The following GLI3 variants were observed in gnomAD, a reference collection of about 807,000 sequenced individuals.
GLI3 encodes the protein transcription activator GLI3.
A neutral mutation model predicts 100.8 loss-of-function variants in GLI3; 20 were observed. That is an observed-to-expected ratio of 0.20 (90% CI 0.14 to 0.29). The LOEUF is 0.29. Ranked by LOEUF, GLI3 falls within the 10% of genes least tolerant of loss-of-function variation. The pLI, the probability that GLI3 is intolerant of heterozygous loss-of-function variation, is 1.00. For synonymous variants in GLI3, 938 were observed against 860.5 expected (o/e 1.09, Z -1.58); for missense variants, 2,040 against 2,128.5 (o/e 0.96, Z 0.82).
At chr7:42,113,278 G>T (rs1025866662) in intron 3 of GLI3, 25 of 551,732 alleles carry the variant, frequency 4.5e-5, no homozygotes, top group African/African-American at 3.8e-4. Context: ...AAGAAGAAGA[G>T]GCGAGAACGA....
At chr7:42,006,843 A>C (rs759201697) in intron 10 of GLI3, among the ~76,000 whole-genome samples, 1 of 152,216 alleles carries the variant, frequency 6.6e-6, no homozygotes, top group Non-Finnish European at 1.5e-5. Context: ...TAGGACTTAA[A>C]GACCAGTTCA....
At chr7:42,080,669 A>G (rs886318764) in intron 3 of GLI3, among the ~76,000 whole-genome samples, 1 of 152,230 alleles carries the variant, frequency 6.6e-6, no homozygotes, top group East Asian at 1.9e-4. Flanking sequence ...AAGAATGAAA[A>G]GCAGTATGGG....
intron 2 of GLI3, among the ~76,000 whole-genome samples, chr7:42,210,350 C>CG (rs1554340077): frequency 5.6e-4 from 46 of 82,210 alleles, no homozygotes; most frequent in Non-Finnish European, 1.0e-3. Flanking sequence ...CCCCCCCCCC[C>CG]CCCCAAGTTA....
In GLI3 at chr7:41,967,967, G is replaced by A. The variant is rs751295040; in HGVS notation, c.2104-44C>T. On this transcript the variant is annotated intron_variant, in intron 13 of 14. Transcript: ENST00000395925. ...AAGGAAAGAAATGTCACCAGGGAGGGTCAAGGAAAGGGAGCCAATAATGAG... is the reference window on the plus strand; with the variant it reads ...AAGGAAAGAAATGTCACCAGGGAGGATCAAGGAAAGGGAGCCAATAATGAG... The A allele has an allele frequency of 3.4e-6, 5 of 1,486,996 alleles. No individual in the cohort carries two copies. The Admixed American group carries it at 6.7e-5, about 20-fold the overall frequency. The allele number at this position is 1,486,996 out of a possible 1,614,324, so 92.1% of individuals were successfully genotyped here.
intron 1 of GLI3, among the ~76,000 whole-genome samples, chr7:42,253,468 G>C (rs1190688267): frequency 6.6e-6 from 1 of 152,212 alleles, no homozygotes; most frequent in African/African-American, 2.4e-5. Context: ...GCTGCTCCCA[G>C]CCTGAGGCTA....
chr7:42,191,065 T>C (rs1787817450), intron 2 of GLI3, among the ~76,000 whole-genome samples: 1 of 152,174 alleles, frequency 6.6e-6, no homozygotes, highest in Non-Finnish European at 1.5e-5. Flanking sequence ...ATGGTCATTA[T>C]TAATCACTAT....
chr7:42,195,832 T>G (rs951521092), intron 2 of GLI3, among the ~76,000 whole-genome samples: 2 of 152,196 alleles, frequency 1.3e-5, no homozygotes, highest in Non-Finnish European at 2.9e-5. Flanking sequence ...TGAGTAAGTA[T>G]TCAATAAATC....
intron 3 of GLI3, among the ~76,000 whole-genome samples, chr7:42,118,556 G>T (rs1472461261): frequency 1.3e-5 from 2 of 152,144 alleles, no homozygotes; most frequent in African/African-American, 4.8e-5. Context: ...GGGGCCCAGG[G>T]GGCCATAGTT....
intron 3 of GLI3, among the ~76,000 whole-genome samples, chr7:42,144,965 C>T (rs150634083): frequency 2.6e-5 from 4 of 152,258 alleles, no homozygotes; most frequent in African/African-American, 7.2e-5. Flanking sequence ...GTCTGCAATG[C>T]GCTTGTATTG....
intron 3 of GLI3, among the ~76,000 whole-genome samples, chr7:42,108,418 G>A (rs1785626860): frequency 6.6e-6 from 1 of 152,098 alleles, no homozygotes; most frequent in Admixed American, 6.6e-5. Context: ...CCTCTTCTGG[G>A]GAGACCTAGC....
At chr7:42,064,513 G>A (rs181698582) in intron 4 of GLI3, among the ~76,000 whole-genome samples, 453 of 152,270 alleles carry the variant, frequency 3.0e-3, no homozygotes, top group Admixed American at 4.9e-3. Context: ...ATGATCATGA[G>A]AAGCCATGTG....
At chr7:42,157,179 G>C (rs1289918215) in intron 2 of GLI3, among the ~76,000 whole-genome samples, 1 of 152,180 alleles carries the variant, frequency 6.6e-6, no homozygotes, top group East Asian at 1.9e-4. Context: ...GGTGCTGCCC[G>C]GGTCAGGTTT....
chr7:42,171,633 T>C (rs2077546375), intron 2 of GLI3, among the ~76,000 whole-genome samples: 1 of 152,202 alleles, frequency 6.6e-6, no homozygotes, highest in African/African-American at 2.4e-5. Flanking sequence ...AGAAAAAAGG[T>C]AGACGTCTGG....
chr7:42,061,876 G>A (rs181127702), intron 4 of GLI3, among the ~76,000 whole-genome samples: 7 of 152,152 alleles, frequency 4.6e-5, no homozygotes, highest in South Asian at 2.1e-4. Flanking sequence ...CATGGCCTTC[G>A]GGAACTTTGC....
At chr7:42,231,391 T>A (rs1013311494) in intron 1 of GLI3, among the ~76,000 whole-genome samples, 2 of 152,200 alleles carry the variant, frequency 1.3e-5, no homozygotes, top group Non-Finnish European at 2.9e-5. Context: ...CCAGTAAAAA[T>A]TACCCCATGG....
At chr7:41,996,473 C>A (rs1562676429) in intron 10 of GLI3, among the ~76,000 whole-genome samples, 1 of 152,116 alleles carries the variant, frequency 6.6e-6, no homozygotes, top group Non-Finnish European at 1.5e-5. Context: ...AAAGAAAATA[C>A]TGTATTTTGC....
chr7:42,222,856 C>T, intron 2 of GLI3: 1 of 402,758 alleles, frequency 2.5e-6, no homozygotes, highest in East Asian at 5.6e-5. Flanking sequence ...AGATGATTTC[C>T]AAAATGCCAA....
At position 42,048,148 on chromosome 7, in the gene GLI3, A is replaced by G. The variant is rs41316447; in HGVS notation, c.679+343T>C. On this transcript the variant is annotated intron_variant, in intron 5 of 14. Transcript: ENST00000395925. ...GAATGGCTACAGGACCAGTCTAATC[A>G]TATGTGAAGCAGCAGAACAGAACCC... Among the ~76,000 whole-genome samples the G allele has an allele frequency of 1.6e-4, 25 of 152,334 alleles. No homozygotes were observed. In the East Asian group the frequency reaches 4.8e-3, roughly 29 times the overall value.
chr7:42,119,948 C>T (rs1183718120), intron 3 of GLI3, among the ~76,000 whole-genome samples: 1 of 152,186 alleles, frequency 6.6e-6, no homozygotes, highest in Admixed American at 6.5e-5. Flanking sequence ...ATCGAGTCAT[C>T]CACACAAACT....
Sources: gnomAD v4.1 joint callset for allele counts (sites outside exome capture counted in the v4.1 genomes callset) on GRCh38, gnomAD v4.1.1 for gene constraint, MANE v1.5 for transcripts, NCBI Gene and HGNC (gene_info 2026-07-23, HGNC 2026-07-21) for gene names.